HS2ST1: variants seen among roughly 807,000 people sequenced by gnomAD.
HS2ST1 encodes heparan sulfate 2-O-sulfotransferase 1, also known as 2-O-sulfotransferase.
A neutral mutation model predicts 42.9 loss-of-function variants in HS2ST1; 18 were observed. The observed-to-expected ratio is 0.42, with a 90% CI of 0.29 to 0.62. The LOEUF is 0.62. Ranked by LOEUF, HS2ST1 falls within the 20% of genes least tolerant of loss-of-function variation. HS2ST1 has a pLI of 0.21. For missense variants in HS2ST1, 334 were observed against 433.8 expected, an observed-to-expected ratio of 0.77 and a Z score of 2.04; for synonymous variants, 146 against 152.9, an observed-to-expected ratio of 0.95 and a Z score of 0.33.
chr1:86,935,698 A>G (rs1158032445), intron 1 of HS2ST1, among the ~76,000 whole-genome samples: 2 of 151,910 alleles, frequency 1.3e-5, no homozygotes, highest in African/African-American at 2.4e-5. Context: ...TCCTGGCCTC[A>G]AGTGATCTGC....
chr1:87,009,956 A>G (rs994141978), intron 1 of HS2ST1, among the ~76,000 whole-genome samples: 1 of 152,004 alleles, frequency 6.6e-6, no homozygotes, highest in African/African-American at 2.4e-5. Context: ...AATGGCGTGA[A>G]CCAGGGAGGC....
At chr1:86,985,809 C>T (rs72951428) in intron 1 of HS2ST1, among the ~76,000 whole-genome samples, 3,579 of 151,988 alleles carry the variant, frequency 0.024, 73 homozygotes, top group African/African-American at 0.049. Flanking sequence ...CATGCTTGTT[C>T]CCCCTTACTG....
chr1:87,090,552 G>A (rs1228848960), intron 3 of HS2ST1, among the ~76,000 whole-genome samples: 1 of 151,998 alleles, frequency 6.6e-6, no homozygotes, highest in African/African-American at 2.4e-5. Context: ...ACATAGAACT[G>A]TATGCTAGAG....
intron 1 of HS2ST1, among the ~76,000 whole-genome samples, chr1:86,966,070 G>T (rs1648037363): frequency 1.3e-5 from 2 of 152,182 alleles, no homozygotes; most frequent in Admixed American, 1.3e-4. Flanking sequence ...CAGGTAGAAG[G>T]GAGAAGCCAG....
chr1:86,985,959 A>G (rs950397277), intron 1 of HS2ST1, among the ~76,000 whole-genome samples: 11 of 151,906 alleles, frequency 7.2e-5, no homozygotes, highest in Non-Finnish European at 1.6e-4. Context: ...TCTTTTATAA[A>G]ATCACCTAAA....
At chr1:87,051,361 G>A (rs187618090) in intron 1 of HS2ST1, among the ~76,000 whole-genome samples, 6 of 152,004 alleles carry the variant, frequency 3.9e-5, no homozygotes, top group Non-Finnish European at 2.9e-5. Context: ...GAGTTACTTT[G>A]CCTTATCCCC....
intron 1 of HS2ST1, among the ~76,000 whole-genome samples, chr1:87,013,570 C>T (rs926804310): frequency 6.6e-6 from 1 of 152,222 alleles, no homozygotes; most frequent in African/African-American, 2.4e-5. Context: ...ACATTTTCCT[C>T]ATTGTCTTGG....
chr1:86,992,459 C>T (rs112666271), intron 1 of HS2ST1, among the ~76,000 whole-genome samples: 2,499 of 152,042 alleles, frequency 0.016, 77 homozygotes, highest in African/African-American at 0.057. Context: ...CTCCACCTCC[C>T]GGGTCCAAGA....
intron 2 of HS2ST1, 120 bp from the exon 3 acceptor site, chr1:87,084,074 G>A: frequency 1.8e-6 from 1 of 561,986 alleles, no homozygotes; most frequent in South Asian, 2.8e-5. Flanking sequence ...GTCCAAACCT[G>A]TGTTTCAAGC....
At chr1:86,938,081 G>A (rs956091849) in intron 1 of HS2ST1, among the ~76,000 whole-genome samples, 1 of 151,638 alleles carries the variant, frequency 6.6e-6, no homozygotes, top group African/African-American at 2.4e-5. Flanking sequence ...TTCATATTCT[G>A]AAATCCTCTG....
chr1:87,033,477 C>G (rs1650290605), intron 1 of HS2ST1, among the ~76,000 whole-genome samples: 1 of 152,116 alleles, frequency 6.6e-6, no homozygotes, highest in Non-Finnish European at 1.5e-5. Context: ...TAGTAAGAAC[C>G]TGAAATTATC....
chr1:86,997,789 C>A (rs1286757258), intron 1 of HS2ST1, among the ~76,000 whole-genome samples: 6 of 152,154 alleles, frequency 3.9e-5, no homozygotes, highest in Non-Finnish European at 8.8e-5. Flanking sequence ...AGCATGAATG[C>A]ACTGGCAAAG....
intron 1 of HS2ST1, among the ~76,000 whole-genome samples, chr1:86,932,695 A>G (rs930174096): frequency 6.6e-6 from 1 of 152,178 alleles, no homozygotes; most frequent in African/African-American, 2.4e-5. Context: ...GCAGTGTCAG[A>G]AATAAGAAGT....
intron 1 of HS2ST1, among the ~76,000 whole-genome samples, chr1:86,962,688 CAACAA>C (rs977660051): frequency 4.7e-4 from 72 of 152,180 alleles, no homozygotes; most frequent in African/African-American, 1.6e-3. Context: ...CCAACAACAA[CAACAA>C]AACAAAACTA....
At chr1:87,039,743 G>C (rs116097545) in intron 1 of HS2ST1, among the ~76,000 whole-genome samples, 3,710 of 152,244 alleles carry the variant, frequency 0.024, 140 homozygotes, top group African/African-American at 0.085. Flanking sequence ...AGCTTCAGTT[G>C]CTTCATCTTT....
At chr1:87,050,079 G>A (rs1650795422) in intron 1 of HS2ST1, among the ~76,000 whole-genome samples, 1 of 151,638 alleles carries the variant, frequency 6.6e-6, no homozygotes, top group Non-Finnish European at 1.5e-5. Flanking sequence ...TTTGATTTGT[G>A]ATAATGTGAT....
intron 1 of HS2ST1, among the ~76,000 whole-genome samples, chr1:86,928,894 T>A (rs899350246): frequency 1.3e-5 from 2 of 151,934 alleles, no homozygotes; most frequent in Non-Finnish European, 2.9e-5. Context: ...TGATACTCTC[T>A]GACTTGATAT....
chr1:87,006,595 A>G (rs928183375), intron 1 of HS2ST1, among the ~76,000 whole-genome samples: 1 of 152,148 alleles, frequency 6.6e-6, no homozygotes, highest in African/African-American at 2.4e-5. Flanking sequence ...AATGGTTAAG[A>G]TGAAAATTCT....
chr1:87,101,908 G>C (rs1414643056), intron 5 of HS2ST1, among the ~76,000 whole-genome samples: 1 of 152,186 alleles, frequency 6.6e-6, no homozygotes, highest in Non-Finnish European at 1.5e-5. Flanking sequence ...TCTGCAGGCT[G>C]TGCAAGCATG....
Sources: gnomAD v4.1 joint callset for allele counts (sites outside exome capture counted in the v4.1 genomes callset) on GRCh38, gnomAD v4.1.1 for gene constraint, MANE v1.5 for transcripts, NCBI Gene and HGNC (gene_info 2026-07-23, HGNC 2026-07-21) for gene names.